TRPC3: variants seen among roughly 807,000 people sequenced by gnomAD.
TRPC3 encodes the protein short transient receptor potential channel 3.
TRPC3 carries 54 observed loss-of-function variants against 90.9 expected under a neutral mutation model. The observed-to-expected ratio is 0.59, with a 90% CI of 0.48 to 0.75. TRPC3 has a LOEUF of 0.75. Ranked by LOEUF, TRPC3 falls within the 30% of genes least tolerant of loss-of-function variation. The pLI is 0.00. For missense variants in TRPC3, 918 were observed against 1,194.5 expected, an observed-to-expected ratio of 0.77 and a Z score of 3.41; for synonymous variants, 424 against 450.9, an observed-to-expected ratio of 0.94 and a Z score of 0.75.
intron 11 of TRPC3, among the ~76,000 whole-genome samples, chr4:121,880,947 C>G (rs150299842): frequency 7.1e-6 from 1 of 140,712 alleles, no homozygotes; most frequent in Admixed American, 6.7e-5. Flanking sequence ...ATTTGAGGAG[C>G]CCTTTTGTGG....
At chr4:121,937,166 G>A (rs145975254) in intron 1 of TRPC3, among the ~76,000 whole-genome samples, 2 of 152,182 alleles carry the variant, frequency 1.3e-5, no homozygotes, top group Non-Finnish European at 2.9e-5. Context: ...CACTTGGACT[G>A]CTTGTTGAAA....
rs1387573815 is a variant in TRPC3, at chr4:121,902,945, A to C, written c.2370T>G (p.Val790=). 1 of 1,613,468 alleles carries C rather than the reference A, an allele frequency of 6.2e-7. No homozygotes were observed. Among genetic ancestry groups the C allele is most frequent in the African/African-American group, 1.3e-5 (1 of 74,886 alleles). The change falls in exon 9 of 12, where the codon GTT becomes GTG. Residue 790 remains valine, a synonymous_variant. Transcript: ENST00000379645. The part of the protein sequence containing the change: ...FSLVPSPKSF[V]YFIMRIVNFP... ...AGTTAACAATTCGCATGATGAAATA[A>C]ACAAATGATTTTGGACTAGGAACTA...
intron 2 of TRPC3, among the ~76,000 whole-genome samples, chr4:121,930,279 T>C (rs1729857755): frequency 1.3e-5 from 2 of 152,142 alleles, no homozygotes; most frequent in Non-Finnish European, 2.9e-5. Flanking sequence ...CCATATAATC[T>C]AGAAAAAAGA....
chr4:121,887,898 C>T (rs1200716403), intron 10 of TRPC3, among the ~76,000 whole-genome samples: 1 of 151,972 alleles, frequency 6.6e-6, no homozygotes, highest in African/African-American at 2.4e-5. Flanking sequence ...AAATCACGCC[C>T]AGTTAAAAAA....
At chr4:121,898,132 T>A (rs907136444) in intron 10 of TRPC3, among the ~76,000 whole-genome samples, 1 of 152,094 alleles carries the variant, frequency 6.6e-6, no homozygotes, top group Non-Finnish European at 1.5e-5. Context: ...AGGTAAAATG[T>A]AGGACGAAGG....
Position 121,878,035 on chromosome 4 carries a change from T to C in TRPC3, c.*1701A>G, listed in dbSNP as rs570399462. On this transcript the variant is annotated 3_prime_UTR_variant, in exon 12 of 12. Coordinates refer to ENST00000379645, the MANE Select transcript of TRPC3 (RefSeq NM_001130698.2). ...ACTATAAAACTATCAGAAACATCTA[T>C]TATAGAAACTTTGTATCTTTACTAT... is the stretch of plus-strand genomic sequence containing the variant. Among the ~76,000 whole-genome samples, 2 of 152,328 alleles carry C rather than the reference T, an allele frequency of 1.3e-5. No individual in the cohort carries two copies. Among genetic ancestry groups the C allele is most frequent in the South Asian group, 4.1e-4 (2 of 4,828 alleles).
In TRPC3 at chr4:121,925,063, A is replaced by C. The variant is rs1729656580; in HGVS notation, c.1131T>G (p.Ala377=). Residue 377 remains alanine (A), a synonymous_variant, in exon 3 of 12, where the codon GCT becomes GCG. Transcript: ENST00000379645. ...AEPLEVHRHK[A]SLSRVKLAIK... ...TGGCAAGTTTGACACGACTTAATGA[A>C]GCTTTGTGCCTGTGTACCTCCAGAG... The C allele has an allele frequency of 1.9e-6, 3 of 1,613,632 alleles. No individual in the cohort carries two copies. The highest frequency in any genetic ancestry group is 2.5e-6 in the Non-Finnish European group (3 of 1,179,904).
At chr4:121,897,136 CA>C in intron 10 of TRPC3, among the ~76,000 whole-genome samples, 1 of 151,940 alleles carries the variant, frequency 6.6e-6, no homozygotes, top group African/African-American at 2.4e-5. Flanking sequence ...GTATAAAAAT[CA>C]GGGCAAAATG....
Position 121,932,125 on chromosome 4 carries a change from A to G in TRPC3, c.987+146T>C. 8.0e-7 allele frequency: 1 copy of G among 1,256,178 alleles called. No individual in the cohort carries two copies. The allele number at this position is 1,256,178 out of a possible 1,614,324, so 77.8% of individuals were successfully genotyped here. A position where few individuals can be genotyped will look rare whatever the true frequency, so the allele number is the denominator to read the frequency against. ...AGAGGGAGAAAGAAAACATTAGATG[A>G]GGTCTGAATGACGTTCTCAGTCCCT... is the stretch of plus-strand genomic sequence containing the variant. On this transcript the variant is annotated intron_variant, in intron 2 of 11. Transcript: ENST00000379645. This position sits in a 1 kb window ranked among gnomAD's most constrained non-coding sequence, Gnocchi z 7.7.
chr4:121,904,014 T>C (rs1226107406), intron 8 of TRPC3, among the ~76,000 whole-genome samples: 2 of 152,140 alleles, frequency 1.3e-5, no homozygotes, highest in African/African-American at 4.8e-5. Context: ...GGCTGGCTAA[T>C]TGAAGAGAGA....
chr4:121,937,234 T>C (rs543927265), intron 1 of TRPC3, among the ~76,000 whole-genome samples: 1 of 152,318 alleles, frequency 6.6e-6, no homozygotes, highest in Non-Finnish European at 1.5e-5. Flanking sequence ...GGTTGGACCC[T>C]GAAATATGCC....
chr4:121,926,995 C>A (rs753156371), intron 2 of TRPC3, among the ~76,000 whole-genome samples: 3 of 152,038 alleles, frequency 2.0e-5, no homozygotes, highest in Admixed American at 1.3e-4. Flanking sequence ...TGGTTTATAG[C>A]GAATGTAGAG....
chr4:121,951,288 G>A lies in TRPC3; in HGVS notation c.215+178C>T, dbSNP rs969483782. Among the ~76,000 whole-genome samples, 5 of 152,020 alleles carry A rather than the reference G, an allele frequency of 3.3e-5. No homozygotes were observed. Among genetic ancestry groups the A allele is most frequent in the African/African-American group, 9.7e-5 (4 of 41,408 alleles). On this transcript the variant is annotated intron_variant, in intron 1 of 11. Coordinates refer to ENST00000379645, the MANE Select transcript of TRPC3 (RefSeq NM_001130698.2). The surrounding 1 kb of genome is among the most constrained non-coding windows in gnomAD (Gnocchi z 4.4). ...GTCCCTCCACCGCGCGGGACCGAGGGGGCGAGCCTCCGGCCGAGGTCTGTC... is the reference window on the plus strand; with the variant it reads ...GTCCCTCCACCGCGCGGGACCGAGGAGGCGAGCCTCCGGCCGAGGTCTGTC...
chr4:121,899,870 A>G lies in TRPC3; in HGVS notation c.2464-175T>C, dbSNP rs1037834204. 4.6e-5 allele frequency among the ~76,000 whole-genome samples: 7 copies of G among 152,216 alleles called. 1 individual carries two copies. Among genetic ancestry groups the G allele is most frequent in the Non-Finnish European group, 7.3e-5 (5 of 68,044 alleles). On this transcript the variant is annotated intron_variant, in intron 9 of 11. Coordinates refer to ENST00000379645, the MANE Select transcript of TRPC3 (RefSeq NM_001130698.2). ...ATTCCCAAAGGTTAAAATTACTGTG[A>G]GCAATATGCTCACATTTATCAAAAT...
chr4:121,951,630 C>T lies in TRPC3; in HGVS notation c.51G>A (p.Pro17=). The change falls in exon 1 of 12, where the codon CCG becomes CCA. Residue 17 remains proline, a synonymous_variant. Transcript: ENST00000379645. The surrounding 1 kb of genome is among the most constrained non-coding windows in gnomAD (Gnocchi z 4.4). The stretch of plus-strand genomic sequence containing the variant: ...CCTCGTCTTCCTCCTCCTCCGGCGC[C>T]GGGAAGGTCACCCTTGCTTGTTCTT... ...KCKEQARVTF[P]APEEEEDEGE... 3 of 1,428,000 alleles carry T rather than the reference C, an allele frequency of 2.1e-6. No individual in the cohort carries two copies. The highest frequency in any genetic ancestry group is 1.8e-6 in the Non-Finnish European group (2 of 1,082,806). 88.5% of individuals were successfully genotyped at this position (1,428,000 alleles called of 1,614,324 possible).
intron 3 of TRPC3, among the ~76,000 whole-genome samples, chr4:121,921,736 G>C (rs890595408): frequency 6.6e-6 from 1 of 151,996 alleles, no homozygotes; most frequent in African/African-American, 2.4e-5. Context: ...CTCTGTGCCA[G>C]AGTGGGCAGG....
chr4:121,878,192 G>A lies in TRPC3; in HGVS notation c.*1544C>T, dbSNP rs1727822112. ...TTAGCATGGCACAAAAGTTAATGAAGTGTTCTACAATGGTAGCAAAACATT... is the reference window on the plus strand; with the variant it reads ...TTAGCATGGCACAAAAGTTAATGAAATGTTCTACAATGGTAGCAAAACATT... On this transcript the variant is annotated 3_prime_UTR_variant, in exon 12 of 12. Coordinates refer to ENST00000379645, the MANE Select transcript of TRPC3 (RefSeq NM_001130698.2). Among the ~76,000 whole-genome samples the A allele has an allele frequency of 6.6e-6, 1 of 152,164 alleles. No homozygotes were observed. Among genetic ancestry groups the A allele is most frequent in the Non-Finnish European group, 1.5e-5 (1 of 68,006 alleles).
intron 1 of TRPC3, among the ~76,000 whole-genome samples, chr4:121,944,678 T>A (rs575274826): frequency 6.6e-6 from 1 of 152,296 alleles, no homozygotes; most frequent in South Asian, 2.1e-4. Context: ...AACTGTGCTT[T>A]GCGATAACCT....
chr4:121,912,031 G>T lies in TRPC3; in HGVS notation c.1404C>A (p.Ile468=), dbSNP rs779320456. The change falls in exon 5 of 12, where the codon ATC becomes ATA. Residue 468 remains isoleucine (I), a synonymous_variant. Transcript: ENST00000379645. ...KFVAHAASFI[I]FLGLLVFNAS... ...CATTGAACACAAGCAGACCCAGGAA[G>T]ATGATGAAAGAAGCTGCATGTGCTA... 6.2e-7 allele frequency: 1 copy of T among 1,613,870 alleles called. No individual in the cohort carries two copies. The highest frequency in any genetic ancestry group is 1.1e-5 in the South Asian group (1 of 91,074).
Sources: gnomAD v4.1 joint callset for allele counts (sites outside exome capture counted in the v4.1 genomes callset) on GRCh38, gnomAD v4.1.1 for gene constraint, Gnocchi (gnomAD v3.1) non-coding constraint, MANE v1.5 for transcripts, NCBI Gene and HGNC (gene_info 2026-07-23, HGNC 2026-07-21) for gene names.